The following CSTPP1 variants were observed in gnomAD, a reference collection of about 807,000 sequenced individuals.
The protein encoded by CSTPP1 is centriolar satellite-associated tubulin polyglutamylase complex regulator 1.
chr11:47,071,265 C>A, the CSTPP1 span, among the ~76,000 whole-genome samples: 4 of 152,302 alleles, frequency 2.6e-5, no homozygotes, highest in African/African-American at 4.8e-5. Flanking sequence ...CTGTTTACTT[C>A]TGTGTGAGGC....
the CSTPP1 span, among the ~76,000 whole-genome samples, chr11:47,050,398 G>T: frequency 6.6e-6 from 1 of 152,240 alleles, no homozygotes; most frequent in Admixed American, 6.5e-5. Flanking sequence ...TTACTCCATA[G>T]AACTGACAGT....
At chr11:47,068,169 G>A in the CSTPP1 span, among the ~76,000 whole-genome samples, 1 of 152,134 alleles carries the variant, frequency 6.6e-6, no homozygotes, top group Non-Finnish European at 1.5e-5. Context: ...AAAACTGACA[G>A]CCTGTATCAA....
At chr11:47,137,821 G>T in the CSTPP1 span, 2 of 1,311,608 alleles carry the variant, frequency 1.5e-6, no homozygotes, top group African/African-American at 2.9e-5. Context: ...AAAAAAAGGA[G>T]CATTTAGGGA....
the CSTPP1 span, among the ~76,000 whole-genome samples, chr11:47,058,797 A>G: frequency 1.3e-5 from 2 of 152,198 alleles, no homozygotes; most frequent in African/African-American, 2.4e-5. Context: ...GAAGCCATGA[A>G]GTCTGACTCC....
At chr11:47,157,975 C>A in the CSTPP1 span, 2 of 1,508,940 alleles carry the variant, frequency 1.3e-6, no homozygotes, top group Non-Finnish European at 1.8e-6. Context: ...ACACAGGGAG[C>A]AGCTGGCCTC....
chr11:47,119,455 G>A, the CSTPP1 span, among the ~76,000 whole-genome samples: 1 of 152,148 alleles, frequency 6.6e-6, no homozygotes, highest in Non-Finnish European at 1.5e-5. Context: ...CCCTCCATGG[G>A]CTGCACCCAC....
chr11:47,029,937 GAAA>G, the CSTPP1 span, among the ~76,000 whole-genome samples: 5 of 125,584 alleles, frequency 4.0e-5, no homozygotes, highest in Non-Finnish European at 8.6e-5. Flanking sequence ...GTCTCTACTG[GAAA>G]AAAAAAAAAA....
chr11:47,082,984 G>T, the CSTPP1 span, among the ~76,000 whole-genome samples: 24 of 152,182 alleles, frequency 1.6e-4, no homozygotes, highest in African/African-American at 5.8e-4. Context: ...CCATCACTTA[G>T]GTATTAAGCC....
chr11:47,046,164 G>A, the CSTPP1 span, among the ~76,000 whole-genome samples: 2 of 151,576 alleles, frequency 1.3e-5, no homozygotes, highest in African/African-American at 2.4e-5. Flanking sequence ...GGAAAAAAAA[G>A]GAAAAGGTAG....
At chr11:47,027,043 G>T in the CSTPP1 span, among the ~76,000 whole-genome samples, 1 of 151,988 alleles carries the variant, frequency 6.6e-6, no homozygotes, top group Non-Finnish European at 1.5e-5. Flanking sequence ...TTTCTAACAT[G>T]CTATAAAGAG....
At chr11:47,142,784 G>A in the CSTPP1 span, among the ~76,000 whole-genome samples, 28 of 152,252 alleles carry the variant, frequency 1.8e-4, no homozygotes, top group Middle Eastern at 3.4e-3. Context: ...GTAGAATCCT[G>A]TAAGAACCAA....
At chr11:47,086,117 A>G in the CSTPP1 span, among the ~76,000 whole-genome samples, 2 of 151,146 alleles carry the variant, frequency 1.3e-5, no homozygotes, top group Admixed American at 1.3e-4. Context: ...GGCCTGGCAC[A>G]GTGGCTCACG....
chr11:47,108,422 C>A, the CSTPP1 span, among the ~76,000 whole-genome samples: 1 of 152,322 alleles, frequency 6.6e-6, no homozygotes, highest in East Asian at 1.9e-4. Flanking sequence ...CGCCTGATTT[C>A]TTCTGTGAAG....
At chr11:47,041,891 C>T in the CSTPP1 span, 6 of 330,774 alleles carry the variant, frequency 1.8e-5, 2 homozygotes, top group Non-Finnish European at 3.1e-5. Flanking sequence ...CAAGGATCCA[C>T]TTAACTTAAG....
At chr11:47,137,280 A>T in the CSTPP1 span, 1 of 1,312,758 alleles carries the variant, frequency 7.6e-7, no homozygotes, top group Admixed American at 2.3e-5. Context: ...GAATTTCAGC[A>T]AATTTAACCG....
At chr11:47,160,192 C>T in the CSTPP1 span, 1 of 158,160 alleles carries the variant, frequency 6.3e-6, no homozygotes, top group African/African-American at 2.4e-5. Context: ...TTGGTCTCAG[C>T]TACGCAGGAG....
At chr11:47,031,883 A>C in the CSTPP1 span, among the ~76,000 whole-genome samples, 4 of 152,198 alleles carry the variant, frequency 2.6e-5, no homozygotes, top group Admixed American at 6.5e-5. Context: ...GCTGAGGAGC[A>C]AGGATAGCCA....
the CSTPP1 span, among the ~76,000 whole-genome samples, chr11:47,134,290 T>A: frequency 2.0e-5 from 3 of 152,130 alleles, no homozygotes; most frequent in African/African-American, 7.2e-5. Context: ...CTCTGCCTTC[T>A]AGGTTCAAGA....
chr11:46,975,255 C>T, the CSTPP1 span, among the ~76,000 whole-genome samples: 10 of 151,774 alleles, frequency 6.6e-5, no homozygotes, highest in Non-Finnish European at 8.8e-5. Context: ...CCAGCCTGGG[C>T]GACAGAGCAT....
Sources: allele counts gnomAD v4.1 joint callset (sites outside exome capture counted in the v4.1 genomes callset), GRCh38; gene constraint gnomAD v4.1.1; transcripts MANE v1.5; gene names NCBI Gene and HGNC (gene_info 2026-07-23, HGNC 2026-07-21).